RGS12: variants seen among roughly 807,000 people sequenced by gnomAD.
The protein encoded by RGS12 is regulator of G protein signaling 12.
In RGS12, 66 loss-of-function variants were observed where a neutral mutation model predicts 120.1. The ratio of observed to expected loss-of-function variants is 0.55; its 90% CI spans 0.45 to 0.67. The LOEUF (loss-of-function observed/expected upper bound fraction) is 0.67, where lower values mean the gene tolerates loss of function less well. RGS12 is among the 30% of genes least tolerant of loss of function. The pLI, the probability that RGS12 is intolerant of heterozygous loss-of-function variation, is 0.00. For missense variants in RGS12, 1,859 were observed against 1,957.7 expected (o/e 0.95, Z 0.95); for synonymous variants, 827 against 804.7 (o/e 1.03, Z -0.47).
intron 4 of RGS12, among the ~76,000 whole-genome samples, chr4:3,405,354 A>G (rs1236704168): frequency 2.6e-5 from 4 of 152,248 alleles, no homozygotes; most frequent in Non-Finnish European, 5.9e-5. Flanking sequence ...AGGAGGTCCC[A>G]GAGGGACACC....
At chr4:3,358,385 G>C (rs990878246) in intron 3 of RGS12, among the ~76,000 whole-genome samples, 1 of 152,104 alleles carries the variant, frequency 6.6e-6, no homozygotes, top group African/African-American at 2.4e-5. Context: ...AAGAATTGTC[G>C]AAGTGGGCAT....
intron 3 of RGS12, among the ~76,000 whole-genome samples, chr4:3,362,478 GTGTA>G (rs149402347): frequency 0.24 from 35,103 of 144,312 alleles, 4,423 homozygotes; most frequent in South Asian, 0.34. Context: ...GTGAGGGTGT[GTGTA>G]TGTGAGGGTG....
intron 2 of RGS12, among the ~76,000 whole-genome samples, chr4:3,330,535 A>G (rs1230923019): frequency 1.3e-5 from 2 of 152,210 alleles, no homozygotes; most frequent in Non-Finnish European, 2.9e-5. Context: ...GCCTGTTCGC[A>G]ACAACAGCAC....
At chr4:3,321,001 C>G (rs1486041378) in intron 2 of RGS12, among the ~76,000 whole-genome samples, 1 of 152,176 alleles carries the variant, frequency 6.6e-6, no homozygotes, top group African/African-American at 2.4e-5. Flanking sequence ...TGGTGTCAGG[C>G]AGCGAGCTTC....
intron 4 of RGS12, among the ~76,000 whole-genome samples, chr4:3,391,141 T>G (rs1243644067): frequency 6.6e-6 from 1 of 152,230 alleles, no homozygotes; most frequent in Non-Finnish European, 1.5e-5. Context: ...TTTACTTGAT[T>G]TAATATGTCA....
Position 3,422,885 on chromosome 4 carries a change from C to G in RGS12, c.3034-20C>G, listed in dbSNP as rs376469816. ...GCTGCCTGCTGTGCCCACGTTGATT[C>G]TGGTCTCTCTGTTCCTCAGCCTCTG... On this transcript the variant is annotated intron_variant, in intron 11 of 17. Coordinates refer to ENST00000336727, the MANE Select transcript of RGS12 (RefSeq NM_001394154.1). 1.6e-5 allele frequency: 26 copies of G among 1,610,346 alleles called. No homozygotes were observed. The African/African-American group carries it at 2.7e-4, about 17-fold the overall frequency.
chr4:3,344,343 G>T (rs1713584581), intron 3 of RGS12, among the ~76,000 whole-genome samples: 1 of 152,186 alleles, frequency 6.6e-6, no homozygotes. Flanking sequence ...TGCTCATGCT[G>T]CTGATGAAGA....
chr4:3,394,569 A>C (rs1719859609), intron 4 of RGS12, among the ~76,000 whole-genome samples: 1 of 152,268 alleles, frequency 6.6e-6, no homozygotes, highest in South Asian at 2.1e-4. Flanking sequence ...ATACTGATGT[A>C]GAAAGGTGGC....
chr4:3,346,956 G>C (rs1339370825), intron 3 of RGS12, among the ~76,000 whole-genome samples: 7 of 151,972 alleles, frequency 4.6e-5, no homozygotes, highest in African/African-American at 1.7e-4. Flanking sequence ...AGAACCACTG[G>C]TCTCAGTTGT....
At chr4:3,343,900 T>A (rs1234218132) in intron 3 of RGS12, among the ~76,000 whole-genome samples, 1 of 152,236 alleles carries the variant, frequency 6.6e-6, no homozygotes, top group East Asian at 1.9e-4. Flanking sequence ...TTTTCAAGAT[T>A]TACTCCTGGA....
At chr4:3,373,851 C>G (rs1717330904) in intron 3 of RGS12, among the ~76,000 whole-genome samples, 1 of 152,248 alleles carries the variant, frequency 6.6e-6, no homozygotes. Context: ...GTCTCGTCAT[C>G]TATATAAGGA....
intron 6 of RGS12, 73 bp downstream of exon 6, chr4:3,414,917 A>T: frequency 9.2e-7 from 1 of 1,090,274 alleles, no homozygotes; most frequent in South Asian, 1.3e-5. Context: ...GGGGTGTGTG[A>T]GAGGGCCACG....
chr4:3,319,478 A>T (rs1055558378), intron 2 of RGS12, among the ~76,000 whole-genome samples: 1 of 152,066 alleles, frequency 6.6e-6, no homozygotes, highest in African/African-American at 2.4e-5. Context: ...GTCCAGGCTC[A>T]AGTGCAGTGG....
chr4:3,328,963 G>A lies in RGS12; in HGVS notation c.1881+10912G>A, dbSNP rs1711533263. On this transcript the variant is annotated intron_variant, in intron 2 of 17. Transcript: ENST00000336727. Reference sequence around the variant, plus strand: ...TTCCTCCCCCTTGTCTACTAACCATGTCCAGTCTGGATGGGAGGTCACAGG... The same window carrying A: ...TTCCTCCCCCTTGTCTACTAACCATATCCAGTCTGGATGGGAGGTCACAGG... 3.3e-5 allele frequency among the ~76,000 whole-genome samples: 5 copies of A among 152,314 alleles called. 1 individual carries two copies. Among genetic ancestry groups the A allele is most frequent in the African/African-American group, 1.2e-4 (5 of 41,564 alleles).
chr4:3,306,467 C>A (rs1459070352), intron 1 of RGS12, among the ~76,000 whole-genome samples: 1 of 152,262 alleles, frequency 6.6e-6, no homozygotes, highest in Admixed American at 6.5e-5. Context: ...GCGGCACAGC[C>A]TTTCCACCCC....
At chr4:3,311,329 C>T (rs114114172) in intron 1 of RGS12, among the ~76,000 whole-genome samples, 2,956 of 152,102 alleles carry the variant, frequency 0.019, 83 homozygotes, top group African/African-American at 0.057. Context: ...GGGTGCTGCC[C>T]GGCATGAGTG....
At chr4:3,419,550 T>A (rs1010727741) in intron 9 of RGS12, 3 of 152,110 alleles carry the variant, frequency 2.0e-5, no homozygotes, top group African/African-American at 7.2e-5. Context: ...TGGTGGCTCA[T>A]GCCTTTAAAT....
intron 2 of RGS12, among the ~76,000 whole-genome samples, 195 bp from the exon 3 acceptor site, chr4:3,342,742 G>GC (rs1713369502): frequency 6.7e-6 from 1 of 149,594 alleles, no homozygotes; most frequent in South Asian, 2.1e-4. Flanking sequence ...TGGGATGACT[G>GC]TTTTTTTTTC....
chr4:3,362,849 G>A (rs1715826460), intron 3 of RGS12, among the ~76,000 whole-genome samples: 1 of 142,186 alleles, frequency 7.0e-6, no homozygotes, highest in Admixed American at 7.1e-5. Context: ...GACTGAGTGT[G>A]AGGGTGTGTG....
Sources: gnomAD v4.1 joint callset for allele counts (sites outside exome capture counted in the v4.1 genomes callset) on GRCh38, gnomAD v4.1.1 for gene constraint, MANE v1.5 for transcripts, NCBI Gene and HGNC (gene_info 2026-07-23, HGNC 2026-07-21) for gene names.